The following TCF12 variants were observed in gnomAD, a reference collection of about 807,000 sequenced individuals.
TCF12 encodes the protein DNA-binding protein HTF4.
TCF12 carries 45 observed loss-of-function variants against 86.0 expected under a neutral mutation model. The ratio of observed to expected loss-of-function variants is 0.52; its 90% CI spans 0.41 to 0.67. TCF12 has a LOEUF of 0.67. Among genes scored for constraint, TCF12 ranks in the 30% least tolerant of loss-of-function variants. The pLI, the probability that TCF12 is intolerant of heterozygous loss-of-function variation, is 0.00. For missense variants in TCF12, 881 were observed against 859.9 expected (o/e 1.02, Z -0.31); for synonymous variants, 330 against 299.6 (o/e 1.10, Z -1.05).
intron 4 of TCF12, among the ~76,000 whole-genome samples, chr15:57,071,552 T>C (rs981759984): frequency 6.6e-6 from 1 of 152,102 alleles, no homozygotes; most frequent in African/African-American, 2.4e-5. Flanking sequence ...GGAGAATCTC[T>C]AGAGCCCGGG....
intron 8 of TCF12, among the ~76,000 whole-genome samples, chr15:57,210,719 A>G (rs2058067171): frequency 6.6e-6 from 1 of 152,200 alleles, no homozygotes; most frequent in Non-Finnish European, 1.5e-5. Context: ...CACCAGTGTT[A>G]TGGCAAGGAA....
chr15:56,994,006 C>T (rs1218692225), intron 3 of TCF12, among the ~76,000 whole-genome samples: 2 of 152,010 alleles, frequency 1.3e-5, no homozygotes, highest in Non-Finnish European at 2.9e-5. Context: ...CAATTGTGAA[C>T]ACTCTTGAAA....
At chr15:57,007,804 TTCTTTCTTTCTTTCTTTTTC>T (rs1405044734) in intron 3 of TCF12, among the ~76,000 whole-genome samples, 11 of 131,936 alleles carry the variant, frequency 8.3e-5, no homozygotes, top group South Asian at 5.1e-4. Flanking sequence ...CTTTCTTTCT[TTCTTTCTTTCTTTCTTTTTC>T]TTTCTTTCTT....
intron 5 of TCF12, among the ~76,000 whole-genome samples, chr15:57,124,558 A>G (rs12440699): frequency 0.04 from 6,121 of 152,268 alleles, 369 homozygotes; most frequent in Admixed American, 0.17. Flanking sequence ...CTTCTACAAA[A>G]TGAAGAAATG....
intron 13 of TCF12, among the ~76,000 whole-genome samples, chr15:57,244,998 A>T (rs1318706080): frequency 6.6e-6 from 1 of 152,200 alleles, no homozygotes; most frequent in Non-Finnish European, 1.5e-5. Flanking sequence ...TGAAGAAAAA[A>T]TATGTTAGAT....
intron 4 of TCF12, among the ~76,000 whole-genome samples, chr15:57,079,379 C>G (rs1196148940): frequency 6.6e-6 from 1 of 152,050 alleles, no homozygotes; most frequent in African/African-American, 2.4e-5. Flanking sequence ...GAAGGAGATG[C>G]TTCCACTGAG....
intron 3 of TCF12, among the ~76,000 whole-genome samples, chr15:56,981,852 G>C (rs959676661): frequency 5.1e-4 from 78 of 152,202 alleles, no homozygotes; most frequent in African/African-American, 1.7e-3. Context: ...CTAAGTGTAA[G>C]TGGATTCTCA....
At chr15:57,142,388 C>T (rs2053040860) in intron 5 of TCF12, among the ~76,000 whole-genome samples, 2 of 146,394 alleles carry the variant, frequency 1.4e-5, no homozygotes, top group Admixed American at 6.9e-5. Context: ...ATACAGATTC[C>T]CTCAGCTGTG....
chr15:56,952,073 G>A (rs1427594661), intron 3 of TCF12, among the ~76,000 whole-genome samples: 1 of 152,096 alleles, frequency 6.6e-6, no homozygotes, highest in Non-Finnish European at 1.5e-5. Context: ...ATGAGCCACT[G>A]TTCCAACACC....
At chr15:56,963,755 A>G (rs1385927484) in intron 3 of TCF12, among the ~76,000 whole-genome samples, 1 of 152,164 alleles carries the variant, frequency 6.6e-6, no homozygotes, top group African/African-American at 2.4e-5. Flanking sequence ...GTCAAATACT[A>G]TTTGATACCC....
chr15:57,262,328 C>A, intron 17 of TCF12, 120 bp downstream of exon 17: 1 of 764,846 alleles, frequency 1.3e-6, no homozygotes, highest in Non-Finnish European at 2.1e-6. Context: ...GAGGGAATTC[C>A]AAATAGCGTG....
intron 3 of TCF12, among the ~76,000 whole-genome samples, chr15:57,059,184 T>A (rs1363849826): frequency 1.3e-5 from 2 of 152,182 alleles, no homozygotes; most frequent in Non-Finnish European, 1.5e-5. Flanking sequence ...AAAAATTTGA[T>A]TTCAGTGCTA....
chr15:56,957,770 A>G (rs990778308), intron 3 of TCF12, among the ~76,000 whole-genome samples: 3 of 152,008 alleles, frequency 2.0e-5, no homozygotes, highest in Non-Finnish European at 2.9e-5. Flanking sequence ...TGTGGATTTT[A>G]TCTTGCTGAG....
intron 8 of TCF12, among the ~76,000 whole-genome samples, chr15:57,229,421 TC>T (rs1452090840): frequency 6.6e-6 from 1 of 151,864 alleles, no homozygotes; most frequent in Non-Finnish European, 1.5e-5. Flanking sequence ...CTGTATCTTT[TC>T]TAAGACTTCT....
In TCF12 at chr15:57,008,235, A is replaced by G. The variant is rs559451649; in HGVS notation, c.149-55515A>G. On this transcript the variant is annotated intron_variant, in intron 3 of 20. Coordinates refer to ENST00000333725, the MANE Select transcript of TCF12 (RefSeq NM_207037.2). Reference sequence around the variant, plus strand: ...AACATTCCTCCCTCCATTTCCTCCCAAAGTGCCGAGATTACAGGTGTGAGC... The same window carrying G: ...AACATTCCTCCCTCCATTTCCTCCCGAAGTGCCGAGATTACAGGTGTGAGC... Among the ~76,000 whole-genome samples the G allele has an allele frequency of 3.7e-4, 56 of 151,680 alleles. 1 individual carries two copies. In the East Asian group the frequency reaches 0.01, roughly 27 times the overall value.
rs537226903 is a variant in TCF12, at chr15:57,080,715, C to T, written c.223-11074C>T. 3.3e-5 allele frequency among the ~76,000 whole-genome samples: 5 copies of T among 152,270 alleles called. No individual in the cohort carries two copies. In the South Asian group the frequency reaches 1.0e-3, roughly 32 times the overall value. Reference sequence around the variant, plus strand: ...CAATTGTCAGTGCATTACAGCTAGGCCATTCGGATGCCTTTTATTAGAATG... The same window carrying T: ...CAATTGTCAGTGCATTACAGCTAGGTCATTCGGATGCCTTTTATTAGAATG... On this transcript the variant is annotated intron_variant, in intron 4 of 20. Transcript: ENST00000333725.
At chr15:57,262,056 T>G (rs2060612125) in intron 16 of TCF12, 38 bp from the exon 17 acceptor site, 1 of 1,413,984 alleles carries the variant, frequency 7.1e-7, no homozygotes, top group Non-Finnish European at 9.9e-7. Flanking sequence ...CTGAACTATC[T>G]TAATCTTTTT....
chr15:57,288,160 A>G lies in TCF12; in HGVS notation c.*2015A>G, dbSNP rs1259073361. 6.6e-6 allele frequency: 1 copy of G among 152,558 alleles called. No homozygotes were observed. The highest frequency in any genetic ancestry group is 2.4e-5 in the African/African-American group (1 of 41,446). 9.5% of individuals were successfully genotyped at this position (152,558 alleles called of 1,614,324 possible). On this transcript the variant is annotated 3_prime_UTR_variant, in exon 21 of 21. Coordinates refer to ENST00000333725, the MANE Select transcript of TCF12 (RefSeq NM_207037.2). ...TTTTCAGTAAAAAGTTTCTTACTTTATTTTATTATATTAGGTAGTAAAAAA... is the reference window on the plus strand; with the variant it reads ...TTTTCAGTAAAAAGTTTCTTACTTTGTTTTATTATATTAGGTAGTAAAAAA...
chr15:57,268,792 C>A (rs1278954600), intron 18 of TCF12, among the ~76,000 whole-genome samples: 1 of 150,968 alleles, frequency 6.6e-6, no homozygotes, highest in Non-Finnish European at 1.5e-5. Context: ...GCACAAAAAT[C>A]ACAAGAAACA....
Sources: gnomAD v4.1 joint callset for allele counts (sites outside exome capture counted in the v4.1 genomes callset) on GRCh38, gnomAD v4.1.1 for gene constraint, MANE v1.5 for transcripts, NCBI Gene and HGNC (gene_info 2026-07-23, HGNC 2026-07-21) for gene names.